The following GPM6A variants were observed in gnomAD, a reference collection of about 807,000 sequenced individuals.
GPM6A encodes the protein glycoprotein M6A, also known as neuronal membrane glycoprotein M6-a.
In GPM6A, 7 loss-of-function variants were observed where a neutral mutation model predicts 32.1. That is an observed-to-expected ratio of 0.22 (90% CI 0.12 to 0.41). GPM6A has a LOEUF of 0.41. Among genes scored for constraint, GPM6A ranks in the 10% least tolerant of loss-of-function variants. The pLI is 1.00. For missense variants in GPM6A, 235 were observed against 347.2 expected (o/e 0.68, Z 2.57); for synonymous variants, 130 against 123.4 (o/e 1.05, Z -0.35).
At chr4:175,890,748 G>T (rs1181261857) in intron 1 of GPM6A, among the ~76,000 whole-genome samples, 2 of 151,842 alleles carry the variant, frequency 1.3e-5, no homozygotes, top group African/African-American at 2.4e-5. Context: ...TAGAGATGGG[G>T]TCTTGCTGTG....
At chr4:175,693,952 TGTG>T (rs1744432146) in intron 2 of GPM6A, among the ~76,000 whole-genome samples, 1 of 152,036 alleles carries the variant, frequency 6.6e-6, no homozygotes, top group African/African-American at 2.4e-5. Flanking sequence ...TACGGTGAGA[TGTG>T]GTTGTTGAAA....
chr4:175,867,977 T>C (rs544923718), intron 1 of GPM6A, among the ~76,000 whole-genome samples: 1 of 152,186 alleles, frequency 6.6e-6, no homozygotes, highest in Admixed American at 6.5e-5. Flanking sequence ...AGAAGAGCAA[T>C]GGAATTTTTC....
intron 1 of GPM6A, among the ~76,000 whole-genome samples, chr4:175,774,698 C>T (rs1733324316): frequency 6.6e-6 from 1 of 151,952 alleles, no homozygotes; most frequent in African/African-American, 2.4e-5. Flanking sequence ...AACAACAGAG[C>T]AAAGAATACA....
intron 6 of GPM6A, among the ~76,000 whole-genome samples, chr4:175,638,797 G>A (rs1740962496): frequency 6.6e-6 from 1 of 152,098 alleles, no homozygotes; most frequent in Admixed American, 6.6e-5. Context: ...GCATAGAAAT[G>A]GGTGTATGAA....
intron 4 of GPM6A, among the ~76,000 whole-genome samples, chr4:175,650,254 C>T (rs933012877): frequency 1.3e-5 from 2 of 151,294 alleles, no homozygotes; most frequent in Non-Finnish European, 2.9e-5. Flanking sequence ...TTATTTGGCA[C>T]TCTTTGATTT....
intron 1 of GPM6A, chr4:175,947,568 C>T (rs1437341052): frequency 2.0e-5 from 3 of 152,072 alleles, no homozygotes; most frequent in Admixed American, 2.0e-4. Flanking sequence ...ATCCCACATG[C>T]ATTTTCAAGT....
chr4:175,770,208 T>C (rs1369505911), intron 1 of GPM6A, among the ~76,000 whole-genome samples: 1 of 152,156 alleles, frequency 6.6e-6, no homozygotes, highest in East Asian at 1.9e-4. Flanking sequence ...TTGTACTTAG[T>C]AGAGACAGGG....
At chr4:175,850,008 G>A (rs1736203514) in intron 1 of GPM6A, among the ~76,000 whole-genome samples, 1 of 152,086 alleles carries the variant, frequency 6.6e-6, no homozygotes, top group Non-Finnish European at 1.5e-5. Context: ...AGTAAAGGCT[G>A]TAACTAAACA....
chr4:175,802,393 T>A (rs1049533007), intron 1 of GPM6A, among the ~76,000 whole-genome samples: 1 of 152,088 alleles, frequency 6.6e-6, no homozygotes, highest in African/African-American at 2.4e-5. Context: ...GAAATACTCT[T>A]CCGATACCAT....
At chr4:175,876,934 C>A (rs1460468133) in intron 1 of GPM6A, among the ~76,000 whole-genome samples, 3 of 152,218 alleles carry the variant, frequency 2.0e-5, no homozygotes, top group African/African-American at 7.2e-5. Flanking sequence ...ACTGGTGACA[C>A]TGTCGTAACA....
rs1733304527 is a variant in GPM6A, at chr4:175,774,188, CAGTGATA to C, written c.37+37996_37+38002del. ...AAAAGTATGAAGTGTCTATCAAGTC[CAGTGATA>C]CTTTAATGTGTATCAAGTCCAGTGG... On this transcript the variant is annotated intron_variant, in intron 1 of 6. Transcript: ENST00000393658. Among the ~76,000 whole-genome samples the C allele has an allele frequency of 2.6e-5, 4 of 152,072 alleles. No homozygotes were observed. In the South Asian group the frequency reaches 8.3e-4, roughly 32 times the overall value.
At chr4:175,785,129 G>A (rs774750646) in intron 1 of GPM6A, among the ~76,000 whole-genome samples, 5 of 152,124 alleles carry the variant, frequency 3.3e-5, no homozygotes, top group Non-Finnish European at 5.9e-5. Context: ...GAAACCTTGC[G>A]ACTGTTGCCT....
intron 4 of GPM6A, among the ~76,000 whole-genome samples, chr4:175,647,189 C>A (rs1741508994): frequency 6.6e-6 from 1 of 152,198 alleles, no homozygotes; most frequent in South Asian, 2.1e-4. Context: ...CTAAAAGAAG[C>A]CCCACCTACT....
chr4:175,855,067 G>T (rs1239310274), intron 1 of GPM6A, among the ~76,000 whole-genome samples: 1 of 152,102 alleles, frequency 6.6e-6, no homozygotes, highest in East Asian at 1.9e-4. Flanking sequence ...TCTTTGAAAA[G>T]ATTACATTAT....
At chr4:175,979,498 G>GT (rs1484939096) in intron 1 of GPM6A, among the ~76,000 whole-genome samples, 1 of 152,116 alleles carries the variant, frequency 6.6e-6, no homozygotes, top group Non-Finnish European at 1.5e-5. Context: ...GTGGTGTTTG[G>GT]TTTTTTGTCC....
At chr4:175,781,560 C>T (rs1036228288) in intron 1 of GPM6A, among the ~76,000 whole-genome samples, 7 of 152,162 alleles carry the variant, frequency 4.6e-5, no homozygotes, top group African/African-American at 1.4e-4. Flanking sequence ...CTTCCTTTGC[C>T]TTCTAACTAT....
At chr4:175,685,843 T>G (rs1743949719) in intron 2 of GPM6A, among the ~76,000 whole-genome samples, 1 of 152,148 alleles carries the variant, frequency 6.6e-6, no homozygotes, top group African/African-American at 2.4e-5. Flanking sequence ...TCTTCTTATC[T>G]TCCCAAAAGC....
intron 1 of GPM6A, among the ~76,000 whole-genome samples, chr4:175,964,203 C>T (rs13151059): frequency 0.046 from 6,978 of 151,766 alleles, 229 homozygotes; most frequent in Middle Eastern, 0.089. Flanking sequence ...TCAATAATCA[C>T]TTTAAATGCC....
chr4:175,898,647 A>G (rs1451499439), intron 1 of GPM6A, among the ~76,000 whole-genome samples: 1 of 152,112 alleles, frequency 6.6e-6, no homozygotes, highest in Non-Finnish European at 1.5e-5. Flanking sequence ...CAGGATTCAC[A>G]CCTTATTCTT....
Sources: gnomAD v4.1 joint callset for allele counts (sites outside exome capture counted in the v4.1 genomes callset) on GRCh38, gnomAD v4.1.1 for gene constraint, MANE v1.5 for transcripts, NCBI Gene and HGNC (gene_info 2026-07-23, HGNC 2026-07-21) for gene names.